The following CSNK1E variants were observed in gnomAD, a reference collection of about 807,000 sequenced individuals.
CSNK1E encodes casein kinase I isoform epsilon.
In CSNK1E, 17 loss-of-function variants were observed where a neutral mutation model predicts 46.1. The ratio of observed to expected loss-of-function variants is 0.37; its 90% CI spans 0.25 to 0.55. The LOEUF (loss-of-function observed/expected upper bound fraction) is 0.55. CSNK1E is among the 20% of genes least tolerant of loss of function. The pLI, the probability that CSNK1E is intolerant of heterozygous loss-of-function variation, is 0.82. For synonymous variants in CSNK1E, 241 were observed against 242.6 expected, an observed-to-expected ratio of 0.99 and a Z score of 0.06; for missense variants, 386 against 595.4, an observed-to-expected ratio of 0.65 and a Z score of 3.66.
rs745723056 is a variant in CSNK1E, at chr22:38,294,504, G to C, written c.916C>G (p.Arg306Gly). The C allele has an allele frequency of 3.1e-6, 5 of 1,595,948 alleles. No individual in the cohort carries two copies. Among genetic ancestry groups the C allele is most frequent in the African/African-American group, 2.7e-5 (2 of 74,198 alleles). The part of the protein sequence containing the change: ...GAARNPEDVD[R>G]ERREHEREER... ...TCGCGTTCGTGTTCTCGCCGCTCCC[G>C]GTCCACATCCTCGGGATTCCGGGCT... Residue 306 changes from arginine (R) to glycine (G), a missense_variant, in exon 8 of 11, where the codon CGG becomes GGG. By Grantham distance (125) the Arg-to-Gly change is moderately radical. Transcript: ENST00000396832. This position sits in a 1 kb window ranked among gnomAD's most constrained non-coding sequence, Gnocchi z 5.5.
intron 2 of CSNK1E, among the ~76,000 whole-genome samples, chr22:38,304,305 C>T (rs1376848592): frequency 6.6e-6 from 1 of 152,120 alleles, no homozygotes; most frequent in Admixed American, 6.5e-5. Flanking sequence ...TTAATAATGT[C>T]CCTGAACAAC....
chr22:38,305,013 T>C (rs970027568), intron 2 of CSNK1E, among the ~76,000 whole-genome samples: 7 of 150,124 alleles, frequency 4.7e-5, no homozygotes. Flanking sequence ...TCCCAGCTAC[T>C]TGGGAGGCTG....
At chr22:38,299,150 G>T (rs915476664) in intron 6 of CSNK1E, among the ~76,000 whole-genome samples, 1 of 152,224 alleles carries the variant, frequency 6.6e-6, no homozygotes, top group African/African-American at 2.4e-5. Context: ...CAGAGCAAGG[G>T]AAGACCTGCG....
chr22:38,294,893 C>T lies in CSNK1E; in HGVS notation c.886-359G>A, dbSNP rs117975500. ...GCCTGCCCTGGCCCCCCTCTGTGTA[C>T]CAAGAGCCCTTAACTACTCAAGGTT... On this transcript the variant is annotated intron_variant, in intron 7 of 10. Transcript: ENST00000396832. This position sits in a 1 kb window ranked among gnomAD's most constrained non-coding sequence, Gnocchi z 5.5. 8.5e-3 allele frequency among the ~76,000 whole-genome samples: 1,299 copies of T among 152,300 alleles called. 8 individuals carry two copies. The highest frequency in any genetic ancestry group is 0.017 in the Middle Eastern group (5 of 294).
chr22:38,312,855 C>T (rs936736409), intron 2 of CSNK1E, among the ~76,000 whole-genome samples: 2 of 152,172 alleles, frequency 1.3e-5, no homozygotes, highest in Non-Finnish European at 2.9e-5. Context: ...AGACGTCTAA[C>T]GTCTCCCTCG....
chr22:38,296,752 G>C (rs2092642891), intron 7 of CSNK1E: 2 of 1,559,880 alleles, frequency 1.3e-6, no homozygotes, highest in African/African-American at 1.4e-5. Context: ...GGAACCTAGA[G>C]CAGTGATGTC....
At chr22:38,296,402 C>T (rs898305337) in intron 7 of CSNK1E, 5 of 1,417,876 alleles carry the variant, frequency 3.5e-6, no homozygotes, top group South Asian at 1.6e-5. Context: ...GATCCCAGCA[C>T]CCCGGTGCAG....
Position 38,298,823 on chromosome 22 carries a change from G to C in CSNK1E, c.848C>G (p.Ser283Cys). Residue 283 changes from serine (S) to cysteine (C), a missense_variant, in exon 7 of 11, where the codon TCC becomes TGC. Around this residue, in one of 2 missense-constraint regions of CSNK1E, gnomAD observed 212 missense variants for 410.2 expected, o/e 0.52. Transcript: ENST00000396832. This position sits in a 1 kb window ranked among gnomAD's most constrained non-coding sequence, Gnocchi z 4.2. ...FRNLFHRQGF[S>C]YDYVFDWNML... ...GTTCCAGTCAAAGACGTAGTCATAG[G>C]AGAAGCCCTGCCGGTGGAAGAGGTT... The C allele has an allele frequency of 1.2e-6, 2 of 1,614,226 alleles. No individual in the cohort carries two copies. Among genetic ancestry groups the C allele is most frequent in the South Asian group, 1.1e-5 (1 of 91,084 alleles).
intron 6 of CSNK1E, 92 bp from the exon 7 acceptor site, chr22:38,299,026 C>A (rs1275740787): frequency 1.4e-6 from 2 of 1,408,554 alleles, no homozygotes; most frequent in Non-Finnish European, 2.0e-6. Flanking sequence ...ACCCACTGTC[C>A]CTAGATACTT....
intron 1 of CSNK1E, among the ~76,000 whole-genome samples, chr22:38,314,756 CT>C (rs2092736268): frequency 1.3e-5 from 2 of 152,158 alleles, no homozygotes; most frequent in Admixed American, 1.3e-4. Flanking sequence ...TAAGAGGGCC[CT>C]CATAGAACAA....
chr22:38,298,681 C>T lies in CSNK1E; in HGVS notation c.885+105G>A. 6 of 1,334,646 alleles carry T rather than the reference C, an allele frequency of 4.5e-6. No individual in the cohort carries two copies. The highest frequency in any genetic ancestry group is 6.3e-6 in the Non-Finnish European group (6 of 945,256). The allele number at this position is 1,334,646 out of a possible 1,614,324, so 82.7% of individuals were successfully genotyped here. ...CAACCACACTGTCCAGCTCGTACCT[C>T]CCGTCTGTCGGGAGCCCCTCCCGCC... On this transcript the variant is annotated intron_variant, in intron 7 of 10. Transcript: ENST00000396832. This position sits in a 1 kb window ranked among gnomAD's most constrained non-coding sequence, Gnocchi z 4.2.
intron 1 of CSNK1E, among the ~76,000 whole-genome samples, chr22:38,314,380 G>A (rs1460961769): frequency 1.3e-5 from 2 of 152,228 alleles, no homozygotes; most frequent in Admixed American, 6.5e-5. Context: ...TGGCCAGAGA[G>A]GAAGCAGCCA....
chr22:38,316,403 G>T (rs1248578934), intron 1 of CSNK1E, among the ~76,000 whole-genome samples: 1 of 152,210 alleles, frequency 6.6e-6, no homozygotes, highest in Non-Finnish European at 1.5e-5. Context: ...CAGGAAGGAG[G>T]CTATGCCAGG....
Position 38,298,446 on chromosome 22 carries a change from G to A in CSNK1E, c.885+340C>T. 1 of 375,286 alleles carries A rather than the reference G, an allele frequency of 2.7e-6. No individual in the cohort carries two copies. Among genetic ancestry groups the A allele is most frequent in the South Asian group, 2.1e-5 (1 of 47,728 alleles). 23.2% of individuals were successfully genotyped at this position (375,286 alleles called of 1,614,324 possible). ...GCCACCTGGGATGTGCAGAACAGGA[G>A]CAGCAGGACGGTGTAGGCAGCAATC... On this transcript the variant is annotated intron_variant, in intron 7 of 10. Transcript: ENST00000396832. The surrounding 1 kb of genome is among the most constrained non-coding windows in gnomAD (Gnocchi z 4.2).
At position 38,299,965 on chromosome 22, in the gene CSNK1E, G is replaced by C; in HGVS notation, c.666C>G (p.Arg222=). 6.2e-7 allele frequency: 1 copy of C among 1,614,198 alleles called. No homozygotes were observed. ...TCTCGCTGATCCGTTCATACTTCTGGCGCTTGGTGGCTGCTTTGAGCCCCT... is the reference window on the plus strand; with the variant it reads ...TCTCGCTGATCCGTTCATACTTCTGCCGCTTGGTGGCTGCTTTGAGCCCCT... The part of the protein sequence containing the change: ...PWQGLKAATK[R]QKYERISEKK... Residue 222 remains arginine (R), a synonymous_variant, in exon 6 of 11, where the codon CGC becomes CGG. Coordinates refer to ENST00000396832, the MANE Select transcript of CSNK1E (RefSeq NM_152221.3).
chr22:38,317,850 G>A (rs952259579), upstream of CSNK1E: 1 of 152,280 alleles, frequency 6.6e-6, no homozygotes, highest in Non-Finnish European at 1.5e-5. Context: ...AAAGATGTTA[G>A]ACTGCTGGAG....
At position 38,303,393 on chromosome 22, in the gene CSNK1E, G is replaced by A; in HGVS notation, c.77-145C>T. 3 of 685,974 alleles carry A rather than the reference G, an allele frequency of 4.4e-6. No individual in the cohort carries two copies. Among genetic ancestry groups the A allele is most frequent in the Admixed American group, 2.9e-5 (1 of 34,396 alleles). 42.5% of individuals were successfully genotyped at this position (685,974 alleles called of 1,614,324 possible). Reference sequence around the variant, plus strand: ...GGAGCTCTTGGGGGAGGCTGGGAAGGGGGCAAAGGAGCCCCGGCAAAGGGT... The same window carrying A: ...GGAGCTCTTGGGGGAGGCTGGGAAGAGGGCAAAGGAGCCCCGGCAAAGGGT... On this transcript the variant is annotated intron_variant, in intron 2 of 10. Coordinates refer to ENST00000396832, the MANE Select transcript of CSNK1E (RefSeq NM_152221.3). This position sits in a 1 kb window ranked among gnomAD's most constrained non-coding sequence, Gnocchi z 4.7.
chr22:38,308,191 C>T (rs547112109), intron 2 of CSNK1E, among the ~76,000 whole-genome samples: 11 of 152,282 alleles, frequency 7.2e-5, no homozygotes, highest in South Asian at 6.2e-4. Flanking sequence ...TCACTTAACA[C>T]ATTTTTGTGT....
At position 38,303,297 on chromosome 22, in the gene CSNK1E, G is replaced by A. The variant is rs2145839410; in HGVS notation, c.77-49C>T. On this transcript the variant is annotated intron_variant, in intron 2 of 10. Transcript: ENST00000396832. This position sits in a 1 kb window ranked among gnomAD's most constrained non-coding sequence, Gnocchi z 4.7. ...GACCAGGGTCACCCTCAAAGGCCAGGCAGTCCCAGGCGCCCCACTAAGCAT... is the reference window on the plus strand; with the variant it reads ...GACCAGGGTCACCCTCAAAGGCCAGACAGTCCCAGGCGCCCCACTAAGCAT... 1.4e-6 allele frequency: 2 copies of A among 1,468,264 alleles called. No homozygotes were observed. Among genetic ancestry groups the A allele is most frequent in the East Asian group, 2.4e-5 (1 of 41,940 alleles). 91.0% of individuals were successfully genotyped at this position (1,468,264 alleles called of 1,614,324 possible).
Sources: allele counts gnomAD v4.1 joint callset (sites outside exome capture counted in the v4.1 genomes callset), GRCh38; gene constraint gnomAD v4.1.1; regional missense constraint gnomAD v4.1.1; non-coding constraint Gnocchi (gnomAD v3.1); transcripts MANE v1.5; gene names NCBI Gene and HGNC (gene_info 2026-07-23, HGNC 2026-07-21).